SPAG16: variants seen among roughly 807,000 people sequenced by gnomAD.
SPAG16 encodes the protein sperm associated antigen 16.
A neutral mutation model predicts 80.4 loss-of-function variants in SPAG16; 86 were observed. That is an observed-to-expected ratio of 1.07 (90% confidence interval 0.90 to 1.28). The LOEUF is 1.28. Among genes scored for constraint, SPAG16 ranks in the 50% most tolerant of loss-of-function variants. The pLI is 0.00. For missense variants in SPAG16, 870 were observed against 765.3 expected (o/e 1.14, Z -1.61); for synonymous variants, 294 against 265.9 (o/e 1.11, Z -1.03).
At chr2:214,410,024 C>A (rs1702210402) in intron 15 of SPAG16, 116 bp from the exon 16 acceptor site, 1 of 1,089,044 alleles carries the variant, frequency 9.2e-7, no homozygotes, top group Non-Finnish European at 1.3e-6. Flanking sequence ...TAATAACTGA[C>A]CCCTAACACA....
chr2:213,888,439 C>T (rs1020543237), intron 11 of SPAG16, among the ~76,000 whole-genome samples: 3 of 151,784 alleles, frequency 2.0e-5, no homozygotes, highest in East Asian at 3.9e-4. Flanking sequence ...TTTGAAATAA[C>T]TCAACTGAGG....
intron 10 of SPAG16, among the ~76,000 whole-genome samples, chr2:213,719,779 C>A (rs1190008005): frequency 6.6e-6 from 1 of 152,154 alleles, no homozygotes; most frequent in Non-Finnish European, 1.5e-5. Flanking sequence ...GACAGTGTGG[C>A]AATTCCTCAA....
chr2:214,010,922 A>G (rs773552146), intron 12 of SPAG16, among the ~76,000 whole-genome samples: 15 of 145,938 alleles, frequency 1.0e-4, no homozygotes, highest in Non-Finnish European at 1.8e-4. Flanking sequence ...TTTTTTCACT[A>G]TACTTTTTAT....
intron 9 of SPAG16, among the ~76,000 whole-genome samples, chr2:213,456,214 A>G (rs1452305051): frequency 6.6e-6 from 1 of 152,192 alleles, no homozygotes; most frequent in African/African-American, 2.4e-5. Flanking sequence ...TGCTTTTAGA[A>G]GAATTTGTAT....
At chr2:213,461,113 A>G (rs2072332337) in intron 9 of SPAG16, among the ~76,000 whole-genome samples, 1 of 152,170 alleles carries the variant, frequency 6.6e-6, no homozygotes, top group Non-Finnish European at 1.5e-5. Context: ...ACTATTATGG[A>G]TAAGGTATTA....
intron 10 of SPAG16, among the ~76,000 whole-genome samples, chr2:213,803,376 T>G (rs531193082): frequency 6.6e-5 from 10 of 152,192 alleles, no homozygotes; most frequent in Admixed American, 1.3e-4. Flanking sequence ...TGACAAAGAT[T>G]TGATGTTCTT....
chr2:213,398,963 A>G (rs77999946), intron 9 of SPAG16, among the ~76,000 whole-genome samples: 6,021 of 152,270 alleles, frequency 0.04, 177 homozygotes, highest in Middle Eastern at 0.099. Context: ...ATATGCATTG[A>G]TTACTACAAG....
intron 15 of SPAG16, among the ~76,000 whole-genome samples, chr2:214,379,883 C>G (rs1219541934): frequency 6.6e-6 from 1 of 152,164 alleles, no homozygotes; most frequent in African/African-American, 2.4e-5. Flanking sequence ...TCTGGGAATC[C>G]TTTGAGAAAC....
At chr2:213,379,976 A>G (rs1243313945) in intron 9 of SPAG16, among the ~76,000 whole-genome samples, 1 of 152,142 alleles carries the variant, frequency 6.6e-6, no homozygotes, top group Non-Finnish European at 1.5e-5. Context: ...AGCTGAGGTC[A>G]TCAGTTGGTG....
Position 213,545,345 on chromosome 2 carries a change from T to G in SPAG16, c.1070+55255T>G, listed in dbSNP as rs576231016. Among the ~76,000 whole-genome samples the G allele has an allele frequency of 1.1e-4, 16 of 152,262 alleles. No individual in the cohort carries two copies. The South Asian group carries it at 1.5e-3, about 14-fold the overall frequency. ...TATTGTTGAGTTGTTGTAAATGCCT[T>G]TTGTTTATTTTAGATAATACTCCTT... On this transcript the variant is annotated intron_variant, in intron 10 of 15. Transcript: ENST00000331683.
intron 15 of SPAG16, among the ~76,000 whole-genome samples, chr2:214,268,624 A>G (rs1576637175): frequency 6.6e-6 from 1 of 151,980 alleles, no homozygotes; most frequent in Non-Finnish European, 1.5e-5. Context: ...TGAAAGAAGA[A>G]CCAACATGAC....
chr2:213,994,464 A>T (rs1470448115), intron 12 of SPAG16, among the ~76,000 whole-genome samples: 1 of 152,166 alleles, frequency 6.6e-6, no homozygotes, highest in Non-Finnish European at 1.5e-5. Flanking sequence ...AGAATGATTC[A>T]TATTTCATTA....
intron 10 of SPAG16, among the ~76,000 whole-genome samples, chr2:213,771,456 A>C (rs1159598600): frequency 6.6e-6 from 1 of 151,952 alleles, no homozygotes; most frequent in Non-Finnish European, 1.5e-5. Context: ...CTTTTTTTTA[A>C]TTAGATCCCA....
At chr2:214,146,240 C>T (rs1387872370) in intron 14 of SPAG16, among the ~76,000 whole-genome samples, 2 of 152,194 alleles carry the variant, frequency 1.3e-5, no homozygotes, top group African/African-American at 2.4e-5. Flanking sequence ...TCCATCTCCA[C>T]ATCCCTCAAA....
chr2:213,404,843 AT>A (rs113514154), intron 9 of SPAG16, among the ~76,000 whole-genome samples: 11 of 151,682 alleles, frequency 7.3e-5, no homozygotes, highest in African/African-American at 1.9e-4. Flanking sequence ...ATTCTTTAAA[AT>A]TTTTTTTTAA....
At chr2:214,124,149 C>T (rs1246075693) in intron 14 of SPAG16, among the ~76,000 whole-genome samples, 2 of 151,932 alleles carry the variant, frequency 1.3e-5, no homozygotes, top group Non-Finnish European at 2.9e-5. Context: ...TGTGACACAA[C>T]AAAATTTATT....
At chr2:213,797,585 A>G (rs2071124581) in intron 10 of SPAG16, among the ~76,000 whole-genome samples, 1 of 152,216 alleles carries the variant, frequency 6.6e-6, no homozygotes, top group South Asian at 2.1e-4. Context: ...AGTAAGCTAT[A>G]CCATCTAGGT....
chr2:213,759,503 G>A (rs1003903385), intron 10 of SPAG16, among the ~76,000 whole-genome samples: 1 of 151,926 alleles, frequency 6.6e-6, no homozygotes, highest in African/African-American at 2.4e-5. Context: ...GTGGGGGAAT[G>A]GAGCTTTTGA....
At chr2:213,355,863 T>A (rs2065619911) in intron 7 of SPAG16, among the ~76,000 whole-genome samples, 1 of 152,214 alleles carries the variant, frequency 6.6e-6, no homozygotes, top group African/African-American at 2.4e-5. Context: ...TATTTCTTTC[T>A]CTTGCCTGAT....
Sources: allele counts gnomAD v4.1 joint callset (sites outside exome capture counted in the v4.1 genomes callset), GRCh38; gene constraint gnomAD v4.1.1; transcripts MANE v1.5; gene names NCBI Gene and HGNC (gene_info 2026-07-23, HGNC 2026-07-21).